Variants in CCSER1 observed in about 807,000 individuals in gnomAD.
CCSER1 encodes serine-rich coiled-coil domain-containing protein 1.
In CCSER1, 41 loss-of-function variants were observed where a neutral mutation model predicts 82.0. The observed-to-expected ratio is 0.50, with a 90% CI of 0.39 to 0.65. The LOEUF (loss-of-function observed/expected upper bound fraction) is 0.65, where lower values mean the gene tolerates loss of function less well. Among genes scored for constraint, CCSER1 ranks in the 30% least tolerant of loss-of-function variants. CCSER1 has a pLI of 0.00. For missense variants in CCSER1, 1,119 were observed against 1,064.2 expected (o/e 1.05, Z -0.72); for synonymous variants, 414 against 383.9 (o/e 1.08, Z -0.92).
At chr4:90,822,435 C>T (rs1309253833) in intron 8 of CCSER1, among the ~76,000 whole-genome samples, 1 of 152,082 alleles carries the variant, frequency 6.6e-6, no homozygotes, top group Non-Finnish European at 1.5e-5. Context: ...TCTGTAAAAA[C>T]ATATGTGTTT....
At chr4:91,304,364 A>G (rs1744888956) in intron 10 of CCSER1, among the ~76,000 whole-genome samples, 1 of 152,080 alleles carries the variant, frequency 6.6e-6, no homozygotes, top group Non-Finnish European at 1.5e-5. Context: ...ATGCAAGGCA[A>G]TTGCCTTAAA....
chr4:91,566,941 A>G (rs539456614), intron 10 of CCSER1, among the ~76,000 whole-genome samples: 1 of 151,542 alleles, frequency 6.6e-6, no homozygotes, highest in East Asian at 2.0e-4. Flanking sequence ...ATTGGGGTTG[A>G]TTTGTTCTTG....
intron 10 of CCSER1, among the ~76,000 whole-genome samples, chr4:91,104,130 C>G (rs115268042): frequency 6.6e-6 from 1 of 152,100 alleles, no homozygotes; most frequent in South Asian, 2.1e-4. Context: ...GTGGTCAGAT[C>G]GGTTCTCTGC....
Position 91,604,632 on chromosome 4 carries a change from G to T in CCSER1, c.*5575G>T, listed in dbSNP as rs1471921887. The T allele has an allele frequency of 1.3e-5, 2 of 151,870 alleles. No homozygotes were observed. Among genetic ancestry groups the T allele is most frequent in the African/African-American group, 4.8e-5 (2 of 41,390 alleles). 9.4% of individuals were successfully genotyped at this position (151,870 alleles called of 1,614,324 possible). ...ATTGTCTTATATCTTTCCTTCATAG[G>T]ACATTGATACAGACATCATCAAATT... On this transcript the variant is annotated 3_prime_UTR_variant, in exon 11 of 11. Transcript: ENST00000509176.
chr4:90,587,604 A>G (rs1782179107), intron 5 of CCSER1, among the ~76,000 whole-genome samples: 1 of 152,216 alleles, frequency 6.6e-6, no homozygotes, highest in Non-Finnish European at 1.5e-5. Context: ...TTAGGGTTCA[A>G]TAAATGTAAC....
intron 5 of CCSER1, 53 bp downstream of exon 5, chr4:90,468,407 A>C (rs1362534272): frequency 1.3e-6 from 2 of 1,491,170 alleles, no homozygotes; most frequent in Non-Finnish European, 1.8e-6. Flanking sequence ...TAGATAACTG[A>C]TAAGAAAATG....
Position 90,308,509 on chromosome 4 carries a change from G to A in CCSER1, c.225G>A (p.Gly75=), listed in dbSNP as rs1193529889. The A allele has an allele frequency of 6.2e-7, 1 of 1,613,904 alleles. No homozygotes were observed. The highest frequency in any genetic ancestry group is 1.1e-5 in the South Asian group (1 of 91,072). ...CCATTAGCTTCCACCATAAGAAGGG[G>A]AGTGAGCCTAAGCAAGAGCCTACCA... ...TPSISFHHKK[G]SEPKQEPTNQ... Residue 75 remains glycine (G), a synonymous_variant, in exon 2 of 11, where the codon GGG becomes GGA. Transcript: ENST00000509176.
intron 10 of CCSER1, among the ~76,000 whole-genome samples, chr4:91,149,212 T>G: frequency 6.6e-6 from 1 of 152,200 alleles, no homozygotes; most frequent in Non-Finnish European, 1.5e-5. Context: ...TGGTTTTGAT[T>G]TGCATTTCTC....
At chr4:91,396,541 G>A (rs1478496915) in intron 10 of CCSER1, among the ~76,000 whole-genome samples, 1 of 152,096 alleles carries the variant, frequency 6.6e-6, no homozygotes, top group African/African-American at 2.4e-5. Flanking sequence ...AATTAGGAGA[G>A]CATCTGTCTT....
At chr4:90,736,931 G>A (rs1436066388) in intron 7 of CCSER1, among the ~76,000 whole-genome samples, 7 of 151,816 alleles carry the variant, frequency 4.6e-5, no homozygotes, top group Admixed American at 4.6e-4. Context: ...TTAAAAAATA[G>A]GTTTAAAATG....
chr4:91,103,003 A>T (rs1725234693), intron 10 of CCSER1, among the ~76,000 whole-genome samples: 2 of 152,306 alleles, frequency 1.3e-5, no homozygotes, highest in South Asian at 4.1e-4. Context: ...TTCATATTGA[A>T]CAAATAATCC....
At chr4:91,580,730 G>C (rs758954430) in intron 10 of CCSER1, among the ~76,000 whole-genome samples, 1 of 148,420 alleles carries the variant, frequency 6.7e-6, no homozygotes. Flanking sequence ...TGGGAAATCT[G>C]CAACTCTGGT....
intron 10 of CCSER1, among the ~76,000 whole-genome samples, chr4:91,244,319 T>C (rs1739597129): frequency 6.6e-6 from 1 of 152,178 alleles, no homozygotes; most frequent in Non-Finnish European, 1.5e-5. Context: ...TCTCTGGACA[T>C]GCTCCAAGCC....
At chr4:91,437,018 T>C (rs1441886924) in intron 10 of CCSER1, among the ~76,000 whole-genome samples, 1 of 152,208 alleles carries the variant, frequency 6.6e-6, no homozygotes. Flanking sequence ...GAGATCATAT[T>C]TGCCTGCTAA....
intron 1 of CCSER1, among the ~76,000 whole-genome samples, chr4:90,229,868 CAAAG>C (rs768216700): frequency 1.3e-5 from 2 of 152,060 alleles, no homozygotes; most frequent in Admixed American, 6.6e-5. Flanking sequence ...TCAAAAGAGA[CAAAG>C]AAGGCCATTA....
At chr4:90,668,501 G>T (rs192183117) in intron 6 of CCSER1, among the ~76,000 whole-genome samples, 60 of 152,186 alleles carry the variant, frequency 3.9e-4, no homozygotes, top group Non-Finnish European at 7.4e-4. Context: ...TGAATTGAAT[G>T]TCATAAAATT....
intron 10 of CCSER1, among the ~76,000 whole-genome samples, chr4:91,569,951 C>A (rs896388878): frequency 6.6e-6 from 1 of 152,138 alleles, no homozygotes; most frequent in Non-Finnish European, 1.5e-5. Context: ...AAATCCAAAG[C>A]AAGTTAGTTA....
In CCSER1 at chr4:91,079,161, T is replaced by C. The variant is rs1160109216; in HGVS notation, c.2173-6789T>C. Reference sequence around the variant, plus strand: ...CAAAGTTGAAACAAAGGAAAAAAGGTTAAGGGCAGCCAGACAGGTCAGGTT... The same window carrying C: ...CAAAGTTGAAACAAAGGAAAAAAGGCTAAGGGCAGCCAGACAGGTCAGGTT... On this transcript the variant is annotated intron_variant, in intron 9 of 10. Coordinates refer to ENST00000509176, the MANE Select transcript of CCSER1 (RefSeq NM_001145065.2). Among the ~76,000 whole-genome samples, 2 of 152,072 alleles carry C rather than the reference T, an allele frequency of 1.3e-5. 1 individual carries two copies. Among genetic ancestry groups the C allele is most frequent in the South Asian group, 4.1e-4 (2 of 4,824 alleles).
intron 3 of CCSER1, among the ~76,000 whole-genome samples, chr4:90,358,139 G>C (rs1162835956): frequency 1.3e-5 from 2 of 152,010 alleles, no homozygotes. Context: ...TTTGACAAAA[G>C]ATGTTTTAAA....
Sources: allele counts gnomAD v4.1 joint callset (sites outside exome capture counted in the v4.1 genomes callset), GRCh38; gene constraint gnomAD v4.1.1; transcripts MANE v1.5; gene names NCBI Gene and HGNC (gene_info 2026-07-23, HGNC 2026-07-21).